Variants in BMPR1B observed in about 807,000 individuals in gnomAD.
BMPR1B encodes bone morphogenetic protein receptor type-1B.
A neutral mutation model predicts 59.1 loss-of-function variants in BMPR1B; 12 were observed. That is an observed-to-expected ratio of 0.20 (90% CI 0.13 to 0.33). The LOEUF (loss-of-function observed/expected upper bound fraction) is 0.33. Among genes scored for constraint, BMPR1B ranks in the 10% least tolerant of loss-of-function variants. The probability of loss-of-function intolerance (pLI) is 1.00; values close to 1 mark genes in which losing one functional copy is unlikely to be tolerated. For missense variants in BMPR1B, 550 were observed against 610.9 expected, an observed-to-expected ratio of 0.90 and a Z score of 1.05; for synonymous variants, 237 against 207.3, an observed-to-expected ratio of 1.14 and a Z score of -1.23.
rs554604743 is a variant in BMPR1B at position 94,849,794 on chromosome 4, G to GGGTGTGTGTGTT, written c.-182-26037_-182-26036insGGTGTGTGTGTT. 0.011 allele frequency among the ~76,000 whole-genome samples: 249 copies of GGGTGTGTGTGTT among 23,290 alleles called. 1 individual carries two copies. In the South Asian group the frequency reaches 0.13, roughly 12 times the overall value. The allele number at this position is 23,290 out of a possible 152,430, so 15.3% of individuals were successfully genotyped here. On this transcript the variant is annotated intron_variant, in intron 1 of 12. Coordinates refer to ENST00000515059, the MANE Select transcript of BMPR1B (RefSeq NM_001203.3). ...ATAATAAGGTAGGAGGGGTTTTTTG[G>GGGTGTGTGTGTT]TGTGTGTGTGTGTGTGTGTGTGTGT...
rs749452166 is a variant in BMPR1B, at chr4:94,881,475, C to CT, written c.-113+5589dup. Among the ~76,000 whole-genome samples the CT allele has an allele frequency of 3.5e-3, 505 of 143,450 alleles. 2 individuals carry two copies. The highest frequency in any genetic ancestry group is 0.028 in the East Asian group (138 of 4,950). The allele number at this position is 143,450 out of a possible 152,430, so 94.1% of individuals were successfully genotyped here. On this transcript the variant is annotated intron_variant, in intron 2 of 12. Coordinates refer to ENST00000515059, the MANE Select transcript of BMPR1B (RefSeq NM_001203.3). Reference sequence around the variant, plus strand: ...GGCTGGGGCAAGTGTAATATTTCAACTTTTTTTTTTTTTTGCAATCCACTC... The same window carrying CT: ...GGCTGGGGCAAGTGTAATATTTCAACTTTTTTTTTTTTTTTGCAATCCACTC...
intron 2 of BMPR1B, among the ~76,000 whole-genome samples, chr4:94,914,424 AAG>A (rs1728403268): frequency 6.6e-6 from 1 of 152,152 alleles, no homozygotes; most frequent in Non-Finnish European, 1.5e-5. Flanking sequence ...ACAAGGATGA[AAG>A]AGTATTAATT....
intron 6 of BMPR1B, among the ~76,000 whole-genome samples, chr4:95,120,613 C>CCTTCCTTCCTTCCTTT (rs1428910583): frequency 5.6e-5 from 7 of 123,978 alleles, no homozygotes; most frequent in Non-Finnish European, 9.4e-5. Context: ...GCCTGCCTTT[C>CCTTCCTTCCTTCCTTT]CTTCCTTCCT....
intron 9 of BMPR1B, 64 bp downstream of exon 9, chr4:95,130,118 A>C: frequency 1.9e-6 from 3 of 1,564,234 alleles, no homozygotes; most frequent in Admixed American, 1.7e-5. Flanking sequence ...TTCTGTTAAC[A>C]TCTGCATGTT....
At chr4:94,789,782 G>A (rs1373207981) in intron 1 of BMPR1B, among the ~76,000 whole-genome samples, 1 of 149,426 alleles carries the variant, frequency 6.7e-6, no homozygotes, top group Non-Finnish European at 1.5e-5. Flanking sequence ...TCTTAGTACA[G>A]TAAATCATAT....
intron 1 of BMPR1B, among the ~76,000 whole-genome samples, chr4:94,835,262 C>T (rs1003277372): frequency 5.3e-5 from 8 of 152,104 alleles, no homozygotes; most frequent in African/African-American, 7.2e-5. Context: ...CTTGAACTCT[C>T]GAGCTCAAGG....
chr4:95,089,063 A>G (rs990411761), intron 3 of BMPR1B, among the ~76,000 whole-genome samples: 1 of 152,138 alleles, frequency 6.6e-6, no homozygotes, highest in Non-Finnish European at 1.5e-5. Context: ...CTTTGCCCCC[A>G]TATTAGTATT....
At chr4:94,865,543 G>A (rs1726188161) in intron 1 of BMPR1B, among the ~76,000 whole-genome samples, 1 of 151,612 alleles carries the variant, frequency 6.6e-6, no homozygotes, top group Non-Finnish European at 1.5e-5. Flanking sequence ...GGCGCTCGCC[G>A]CCACCCCTGG....
At chr4:95,035,717 C>A (rs966955059) in intron 3 of BMPR1B, among the ~76,000 whole-genome samples, 4 of 151,986 alleles carry the variant, frequency 2.6e-5, no homozygotes, top group Non-Finnish European at 4.4e-5. Flanking sequence ...GTAATGTGAT[C>A]CCTCCAGATT....
At chr4:94,827,295 T>C (rs1342047563) in intron 1 of BMPR1B, among the ~76,000 whole-genome samples, 1 of 152,192 alleles carries the variant, frequency 6.6e-6, no homozygotes, top group Non-Finnish European at 1.5e-5. Flanking sequence ...AAAATCTCTT[T>C]AATAAATAAC....
chr4:95,103,813 C>T (rs1263576066), intron 3 of BMPR1B, among the ~76,000 whole-genome samples: 2 of 152,038 alleles, frequency 1.3e-5, no homozygotes, highest in African/African-American at 4.8e-5. Flanking sequence ...GAAGATGTAT[C>T]TTTTGAAATG....
At chr4:95,006,131 C>T (rs527857116) in intron 3 of BMPR1B, among the ~76,000 whole-genome samples, 3 of 151,906 alleles carry the variant, frequency 2.0e-5, no homozygotes, top group South Asian at 2.1e-4. Flanking sequence ...ACTATCTGGG[C>T]GTGGTGGTAG....
chr4:94,803,109 C>T (rs1723472368), intron 1 of BMPR1B, among the ~76,000 whole-genome samples: 1 of 152,118 alleles, frequency 6.6e-6, no homozygotes, highest in African/African-American at 2.4e-5. Context: ...TCATTGAGTA[C>T]CCCCTGGCTG....
At chr4:94,817,323 G>A (rs1451770521) in intron 1 of BMPR1B, among the ~76,000 whole-genome samples, 5 of 152,198 alleles carry the variant, frequency 3.3e-5, no homozygotes, top group Non-Finnish European at 7.3e-5. Flanking sequence ...ATAGAAGACA[G>A]CAGTTTAATT....
chr4:94,862,711 C>T lies in BMPR1B; in HGVS notation c.-182-13120C>T, dbSNP rs530638410. Among the ~76,000 whole-genome samples, 37 of 150,770 alleles carry T rather than the reference C, an allele frequency of 2.5e-4. 1 individual carries two copies. In the South Asian group the frequency reaches 5.3e-3, roughly 21 times the overall value. ...CTGTAATCCCAGCACTTTGGCAGGC[C>T]GAGACGGGTGGATCATGAGGTCAGG... On this transcript the variant is annotated intron_variant, in intron 1 of 12. Transcript: ENST00000515059.
intron 3 of BMPR1B, among the ~76,000 whole-genome samples, chr4:95,054,439 T>C (rs1236542076): frequency 6.6e-6 from 1 of 152,196 alleles, no homozygotes; most frequent in Non-Finnish European, 1.5e-5. Flanking sequence ...TTTTAAATAC[T>C]GGAATATTGT....
intron 3 of BMPR1B, among the ~76,000 whole-genome samples, chr4:95,066,275 A>G (rs1327037155): frequency 1.3e-5 from 2 of 152,188 alleles, no homozygotes; most frequent in Non-Finnish European, 2.9e-5. Flanking sequence ...AATTGCCTGT[A>G]CTGACAAGCC....
intron 1 of BMPR1B, among the ~76,000 whole-genome samples, chr4:94,837,685 A>T (rs1210105947): frequency 7.4e-6 from 1 of 134,490 alleles, no homozygotes; most frequent in African/African-American, 2.9e-5. Flanking sequence ...TTCTAGATAT[A>T]CAATCATGTC....
At chr4:95,096,776 T>TATAC (rs1560649996) in intron 3 of BMPR1B, among the ~76,000 whole-genome samples, 3 of 137,924 alleles carry the variant, frequency 2.2e-5, no homozygotes, top group African/African-American at 8.0e-5. Context: ...TATGTATAGT[T>TATAC]ATATATAACT....
Sources: allele counts gnomAD v4.1 joint callset (sites outside exome capture counted in the v4.1 genomes callset), GRCh38; gene constraint gnomAD v4.1.1; transcripts MANE v1.5; gene names NCBI Gene and HGNC (gene_info 2026-07-23, HGNC 2026-07-21).